CLUH: variants seen among roughly 807,000 people sequenced by gnomAD.
CLUH encodes clustered mitochondria protein homolog.
A neutral mutation model predicts 139.3 loss-of-function variants in CLUH; 77 were observed. The observed-to-expected ratio is 0.55, with a 90% CI of 0.46 to 0.67. The LOEUF (loss-of-function observed/expected upper bound fraction) is 0.67. CLUH is among the 30% of genes least tolerant of loss of function. CLUH has a pLI of 0.00. For missense variants in CLUH, 1,876 were observed against 1,875.8 expected (o/e 1.00, Z 0.00); for synonymous variants, 999 against 801.6 (o/e 1.25, Z -4.16).
intron 1 of CLUH, among the ~76,000 whole-genome samples, chr17:2,708,732 C>T (rs917432253): frequency 6.6e-6 from 1 of 151,966 alleles, no homozygotes; most frequent in Non-Finnish European, 1.5e-5. Flanking sequence ...CCCGCCGACC[C>T]GCTCCCATGG....
intron 1 of CLUH, among the ~76,000 whole-genome samples, chr17:2,709,632 C>T (rs534879234): frequency 1.4e-3 from 218 of 152,224 alleles, no homozygotes; most frequent in Non-Finnish European, 2.7e-3. Context: ...CTAAAAGCCG[C>T]TGTATTCCCA....
chr17:2,703,101 C>T lies in CLUH; in HGVS notation c.475+217G>A, dbSNP rs932284024. On this transcript the variant is annotated intron_variant, in intron 3 of 25. Transcript: ENST00000651024. This position sits in a 1 kb window ranked among gnomAD's most constrained non-coding sequence, Gnocchi z 4.2. ...TTGGCCTCCCAAAGTGTTGGGATTA[C>T]AGGCGTGAGCCACCATGCCCAGCCC... Among the ~76,000 whole-genome samples the T allele has an allele frequency of 2.0e-5, 3 of 152,214 alleles. No individual in the cohort carries two copies. Among genetic ancestry groups the T allele is most frequent in the Non-Finnish European group, 4.4e-5 (3 of 68,034 alleles).
chr17:2,707,952 T>A lies in CLUH; in HGVS notation c.101-3388A>T. The A allele has an allele frequency of 1.0e-6, 1 of 985,370 alleles. No individual in the cohort carries two copies. The highest frequency in any genetic ancestry group is 1.7e-5 in the African/African-American group (1 of 57,350). 61.0% of individuals were successfully genotyped at this position (985,370 alleles called of 1,614,324 possible). A position where few individuals can be genotyped will look rare whatever the true frequency, so the allele number is the denominator to read the frequency against. ...GCACCCGTGCCCCTGGCCTCCAGGC[T>A]CCATCAAGAAGCTGGCAGGCTCCAT... On this transcript the variant is annotated intron_variant, in intron 1 of 25. Coordinates refer to ENST00000651024, the MANE Select transcript of CLUH (RefSeq NM_001366661.1). This position sits in a 1 kb window ranked among gnomAD's most constrained non-coding sequence, Gnocchi z 7.4.
rs899980401 is a variant in CLUH at position 2,707,864 on chromosome 17, C to T, written c.101-3300G>A. The T allele has an allele frequency of 4.1e-6, 4 of 985,344 alleles. No homozygotes were observed. The African/African-American group carries it at 7.0e-5, about 17-fold the overall frequency. The allele number at this position is 985,344 out of a possible 1,614,324, so 61.0% of individuals were successfully genotyped here. On this transcript the variant is annotated intron_variant, in intron 1 of 25. Transcript: ENST00000651024. The surrounding 1 kb of genome is among the most constrained non-coding windows in gnomAD (Gnocchi z 7.4). ...AGGTGACCTGGCTGCCAGCCCCTTC[C>T]TGGGAGTCACTGGTTCTGGTGGAAG...
At position 2,704,270 on chromosome 17, in the gene CLUH, G is replaced by A. The variant is rs1051985615; in HGVS notation, c.303+92C>T. The A allele has an allele frequency of 2.4e-5, 33 of 1,348,540 alleles. No individual in the cohort carries two copies. The Admixed American group carries it at 7.2e-4, about 29-fold the overall frequency. The allele number at this position is 1,348,540 out of a possible 1,614,324, so 83.5% of individuals were successfully genotyped here. A position where few individuals can be genotyped will look rare whatever the true frequency, so the allele number is the denominator to read the frequency against. On this transcript the variant is annotated intron_variant, in intron 2 of 25. Coordinates refer to ENST00000651024, the MANE Select transcript of CLUH (RefSeq NM_001366661.1). This position sits in a 1 kb window ranked among gnomAD's most constrained non-coding sequence, Gnocchi z 5.7. ...TCCTCAGTTTCCTGCCACAAAATGG[G>A]GCCGGTAGGAGCACGAGCAAGGCTG...
rs749640402 is a variant in CLUH, at chr17:2,694,580, G to A, written c.2853-16C>T. 2.4e-4 allele frequency: 377 copies of A among 1,563,060 alleles called. 3 individuals are homozygous for A. In the South Asian group the frequency reaches 3.2e-3, roughly 13 times the overall value. ...CACGGTCTCACTGAGGAGGGAGCAG[G>A]GGGCCTGAGCAGCCCAAGCACCGCC... On this transcript the variant is annotated splice_polypyrimidine_tract_variant and intron_variant, in intron 16 of 25. Transcript: ENST00000651024.
In CLUH at chr17:2,692,639, G is replaced by A. The variant is rs376070458; in HGVS notation, c.3370C>T (p.Leu1124=). The A allele has an allele frequency of 1.1e-5, 18 of 1,612,804 alleles. No homozygotes were observed. In the African/African-American group the frequency reaches 1.3e-4, roughly 12 times the overall value. The part of the protein sequence containing the change: ...SSQLSTALSL[L]YRARYLMLLV... ...AGCATGAGGTAGCGGGCGCGGTACAGCAGGCTCAGGGCGGTGGACAGCTGG... is the reference window on the plus strand; with the variant it reads ...AGCATGAGGTAGCGGGCGCGGTACAACAGGCTCAGGGCGGTGGACAGCTGG... Residue 1124 remains leucine, a synonymous_variant, in exon 21 of 26, where the codon CTG becomes TTG. Coordinates refer to ENST00000651024, the MANE Select transcript of CLUH (RefSeq NM_001366661.1).
In CLUH at chr17:2,703,269, T is replaced by C; in HGVS notation, c.475+49A>G. 6.4e-7 allele frequency: 1 copy of C among 1,560,020 alleles called. No individual in the cohort carries two copies. Among genetic ancestry groups the C allele is most frequent in the Middle Eastern group, 1.7e-4 (1 of 5,956 alleles). On this transcript the variant is annotated intron_variant, in intron 3 of 25. Coordinates refer to ENST00000651024, the MANE Select transcript of CLUH (RefSeq NM_001366661.1). The surrounding 1 kb of genome is among the most constrained non-coding windows in gnomAD (Gnocchi z 4.2). ...TGGCATGGATGGTGCTGCCTGCCTC[T>C]GCCTCCGTGGGCCCTCCCCCGGGCA...
chr17:2,695,037 T>A lies in CLUH; in HGVS notation c.2672A>T (p.Tyr891Phe). The A allele has an allele frequency of 2.5e-6, 4 of 1,613,202 alleles. No individual in the cohort carries two copies. The highest frequency in any genetic ancestry group is 3.4e-6 in the Non-Finnish European group (4 of 1,179,652). The change falls in exon 16 of 26, where the codon TAC becomes TTC. Residue 891 changes from tyrosine (Y) to phenylalanine (F), a missense_variant. By Grantham distance (22) the Tyr-to-Phe change is conservative. Transcript: ENST00000651024. ...GGGCAGGTGGGCCACGGGGTTTGGG[T>A]AGGAGCTCAGGAAGCAGTTCAGGAA... ...SHFLNCFLSS[Y>F]PNPVAHLPAD...
chr17:2,692,944 G>A, intron 19 of CLUH, 84 bp from the exon 20 acceptor site: 2 of 1,342,246 alleles, frequency 1.5e-6, no homozygotes, highest in Non-Finnish European at 2.0e-6. Flanking sequence ...AGCAGCCCAC[G>A]GTGCCGCTCT....
intron 1 of CLUH, chr17:2,711,167 G>A (rs980136497): frequency 6.6e-5 from 10 of 152,296 alleles, no homozygotes; most frequent in Non-Finnish European, 1.0e-4. Context: ...AGGTGCCGAA[G>A]GGGGCTGTCC....
In CLUH at chr17:2,692,633, G is replaced by C; in HGVS notation, c.3376C>G (p.Arg1126Gly). 6.2e-7 allele frequency: 1 copy of C among 1,612,812 alleles called. No individual in the cohort carries two copies. Among genetic ancestry groups the C allele is most frequent in the Non-Finnish European group, 8.5e-7 (1 of 1,179,502 alleles). Residue 1126 changes from arginine (R) to glycine (G), a missense_variant, in exon 21 of 26, where the codon CGC (arginine) becomes GGC (glycine). Physicochemically the swap from Arg to Gly is moderately radical, Grantham distance 125. This residue lies in a region of CLUH where 1,454 missense variants were observed against 1,384.4 expected (regional missense o/e 1.05). Transcript: ENST00000651024. ...ACCAGCAGCATGAGGTAGCGGGCGC[G>C]GTACAGCAGGCTCAGGGCGGTGGAC... is the stretch of plus-strand genomic sequence containing the variant. ...QLSTALSLLY[R>G]ARYLMLLVFG...
intron 10 of CLUH, 39 bp downstream of exon 10, chr17:2,697,857 A>T (rs1384532577): frequency 6.9e-7 from 1 of 1,443,530 alleles, no homozygotes; most frequent in Non-Finnish European, 9.1e-7. Flanking sequence ...CACTCCCTGC[A>T]GCTGGCCCCG....
At chr17:2,695,634 A>G (rs1437251022) in intron 13 of CLUH, 108 bp from the exon 14 acceptor site, 1 of 1,365,756 alleles carries the variant, frequency 7.3e-7, no homozygotes, top group Non-Finnish European at 9.7e-7. Flanking sequence ...AAGGACCCCG[A>G]AGGCTCCAGC....
chr17:2,691,536 G>T, intron 25 of CLUH, 73 bp downstream of exon 25: 1 of 1,463,290 alleles, frequency 6.8e-7, no homozygotes, highest in South Asian at 1.2e-5. Context: ...ACTCCAGCCC[G>T]GGTGACAGGG....
Position 2,698,144 on chromosome 17 carries a change from G to A in CLUH, c.1713C>T (p.His571=). The A allele has an allele frequency of 1.3e-6, 2 of 1,583,704 alleles. No homozygotes were observed. Among genetic ancestry groups the A allele is most frequent in the Non-Finnish European group, 1.7e-6 (2 of 1,166,214 alleles). Residue 571 remains histidine, a synonymous_variant, in exon 10 of 26, where the codon CAC becomes CAT. Coordinates refer to ENST00000651024, the MANE Select transcript of CLUH (RefSeq NM_001366661.1). ...RTSRPLKILR[H]QVLNDRDEEV... is the part of the protein sequence containing the mutation. ...CCTCGTCACGGTCGTTGAGCACCTG[G>A]TGCCGCAGGATCTTGAGGGGCCGAC...
intron 6 of CLUH, 27 bp downstream of exon 6, chr17:2,701,339 G>T (rs1333750472): frequency 6.2e-7 from 1 of 1,605,938 alleles, no homozygotes; most frequent in African/African-American, 1.3e-5. Flanking sequence ...CACGGCAGGG[G>T]GGTGTGGTGG....
At chr17:2,708,119 G>A (rs1397636502) in intron 1 of CLUH, 2 of 486,322 alleles carry the variant, frequency 4.1e-6, no homozygotes, top group Non-Finnish European at 5.3e-6. Context: ...CAGGGCCTCT[G>A]ACATGCTGCC....
intron 16 of CLUH, 68 bp from the exon 17 acceptor site, chr17:2,694,632 G>A (rs1484932400): frequency 2.9e-6 from 4 of 1,398,670 alleles, no homozygotes; most frequent in Non-Finnish European, 3.9e-6. Flanking sequence ...GCCCCACCCA[G>A]CTCCCCAACG....
Sources: gnomAD v4.1 joint callset for allele counts (sites outside exome capture counted in the v4.1 genomes callset) on GRCh38, gnomAD v4.1.1 for gene constraint, gnomAD v4.1.1 regional missense constraint, Gnocchi (gnomAD v3.1) non-coding constraint, MANE v1.5 for transcripts, NCBI Gene and HGNC (gene_info 2026-07-23, HGNC 2026-07-21) for gene names.